The following ADGRB3 variants were observed in gnomAD, a reference collection of about 807,000 sequenced individuals.
The protein encoded by ADGRB3 is adhesion G protein-coupled receptor B3, also known as brain-specific angiogenesis inhibitor 3.
A neutral mutation model predicts 193.4 loss-of-function variants in ADGRB3; 37 were observed. The observed-to-expected ratio is 0.19, with a 90% CI of 0.15 to 0.25. The LOEUF is 0.25. Among genes scored for constraint, ADGRB3 ranks in the 10% least tolerant of loss-of-function variants. The pLI is 1.00. For missense variants in ADGRB3, 1,637 were observed against 1,852.9 expected (o/e 0.88, Z 2.14); for synonymous variants, 690 against 644.2 (o/e 1.07, Z -1.08).
At position 68,940,547 on chromosome 6, in the gene ADGRB3, CTTTTTTT is replaced by C; in HGVS notation, c.1031-3268_1031-3262del. ...CTGCAGGCTAAGGAATGCTTTTGAA[CTTTTTTT>C]TTTTTTTTTTTTTTGCTAAATGTAT... On this transcript the variant is annotated intron_variant, in intron 5 of 31. Transcript: ENST00000370598. Among the ~76,000 whole-genome samples the C allele has an allele frequency of 4.0e-4, 28 of 69,208 alleles. 1 individual carries two copies. The South Asian group carries it at 0.011, about 27-fold the overall frequency. The allele number at this position is 69,208 out of a possible 152,430, so 45.4% of individuals were successfully genotyped here. A position where few individuals can be genotyped will look rare whatever the true frequency, so the allele number is the denominator to read the frequency against.
chr6:68,812,171 A>G (rs1056104311), intron 3 of ADGRB3, among the ~76,000 whole-genome samples: 3 of 152,200 alleles, frequency 2.0e-5, no homozygotes, highest in Non-Finnish European at 1.5e-5. Context: ...ATTACTGCAG[A>G]GGCCTAATAT....
At chr6:69,372,512 T>C (rs1453509415) in intron 30 of ADGRB3, 71 bp downstream of exon 30, 2 of 783,602 alleles carry the variant, frequency 2.6e-6, no homozygotes, top group Non-Finnish European at 3.8e-6. Flanking sequence ...TACTTAAAAA[T>C]TATTACTCTA....
intron 23 of ADGRB3, 26 bp downstream of exon 23, chr6:69,330,598 G>A: frequency 6.6e-7 from 1 of 1,521,746 alleles, no homozygotes; most frequent in South Asian, 1.3e-5. Context: ...AACCTATTTT[G>A]TTTTCTTAGG....
intron 24 of ADGRB3, among the ~76,000 whole-genome samples, chr6:69,337,527 C>G (rs1768879265): frequency 6.6e-6 from 1 of 152,266 alleles, no homozygotes; most frequent in South Asian, 2.1e-4. Context: ...TTGGGATGTA[C>G]ACATCGGCGT....
chr6:69,344,754 C>A (rs1769048611), intron 26 of ADGRB3, among the ~76,000 whole-genome samples: 1 of 151,954 alleles, frequency 6.6e-6, no homozygotes, highest in Non-Finnish European at 1.5e-5. Context: ...TTTAGTTGGT[C>A]TTTGAAGAGG....
At chr6:68,983,118 A>G (rs1217214560) in intron 10 of ADGRB3, among the ~76,000 whole-genome samples, 1 of 152,162 alleles carries the variant, frequency 6.6e-6, no homozygotes. Flanking sequence ...AAATTGTATT[A>G]TAAAAAAGAA....
chr6:68,802,569 T>C (rs1344052406), intron 3 of ADGRB3, among the ~76,000 whole-genome samples: 3 of 152,158 alleles, frequency 2.0e-5, no homozygotes, highest in Non-Finnish European at 4.4e-5. Context: ...AATAGCATGG[T>C]ATAACAAACT....
intron 3 of ADGRB3, among the ~76,000 whole-genome samples, chr6:68,650,627 C>A (rs1436165844): frequency 6.6e-6 from 1 of 152,000 alleles, no homozygotes; most frequent in African/African-American, 2.4e-5. Context: ...TTTCATTTTG[C>A]CTGTTGATCT....
At chr6:69,010,876 C>T (rs1276600614) in intron 11 of ADGRB3, among the ~76,000 whole-genome samples, 2 of 151,666 alleles carry the variant, frequency 1.3e-5, no homozygotes, top group African/African-American at 2.4e-5. Context: ...ACATAAGTGA[C>T]CTAATCCATA....
intron 3 of ADGRB3, among the ~76,000 whole-genome samples, chr6:68,885,079 A>T (rs1260021092): frequency 6.6e-6 from 1 of 152,208 alleles, no homozygotes; most frequent in Non-Finnish European, 1.5e-5. Flanking sequence ...TGAAATTGCC[A>T]TGTTTAATTG....
intron 20 of ADGRB3, among the ~76,000 whole-genome samples, chr6:69,316,576 T>C (rs763021056): frequency 3.2e-4 from 49 of 151,478 alleles, no homozygotes; most frequent in Admixed American, 5.3e-4. Flanking sequence ...AGGAAAGCCT[T>C]TCACAACTGT....
chr6:69,112,563 ATC>A (rs1192404606), intron 17 of ADGRB3, among the ~76,000 whole-genome samples: 1 of 152,102 alleles, frequency 6.6e-6, no homozygotes, highest in African/African-American at 2.4e-5. Flanking sequence ...TTTTATACCT[ATC>A]TATATAGCTA....
chr6:68,899,943 T>C (rs1291567155), intron 3 of ADGRB3, among the ~76,000 whole-genome samples: 2 of 152,036 alleles, frequency 1.3e-5, no homozygotes, highest in Non-Finnish European at 2.9e-5. Context: ...AGTAGCTGAC[T>C]GAGAAAAAGG....
At chr6:68,772,895 ATATATATATATATATATATAT>A (rs1315312012) in intron 3 of ADGRB3, among the ~76,000 whole-genome samples, 1,080 of 33,354 alleles carry the variant, frequency 0.032, 61 homozygotes, top group African/African-American at 0.11. Context: ...AAAAAAAAAA[ATATATATATATATATATATAT>A]ATATATATAT....
At chr6:69,080,581 T>A (rs1262117006) in intron 17 of ADGRB3, among the ~76,000 whole-genome samples, 1 of 151,890 alleles carries the variant, frequency 6.6e-6, no homozygotes, top group African/African-American at 2.4e-5. Flanking sequence ...CATGGTCTCA[T>A]TGTTTGGAGA....
At chr6:69,307,635 T>C (rs1413292956) in intron 20 of ADGRB3, among the ~76,000 whole-genome samples, 3 of 151,632 alleles carry the variant, frequency 2.0e-5, no homozygotes, top group African/African-American at 4.9e-5. Flanking sequence ...TTCTTCTTTT[T>C]ATTTTTTCAG....
chr6:69,043,332 G>GAA (rs376899800), intron 13 of ADGRB3, among the ~76,000 whole-genome samples: 52,060 of 132,312 alleles, frequency 0.39, 11,457 homozygotes, highest in Middle Eastern at 0.44. Context: ...AAGAAAGAAA[G>GAA]AGAAAGAAAA....
chr6:68,978,639 C>A (rs1046661281), intron 10 of ADGRB3, among the ~76,000 whole-genome samples: 1 of 151,502 alleles, frequency 6.6e-6, no homozygotes, highest in Non-Finnish European at 1.5e-5. Context: ...CTTACTCATT[C>A]TGTTGCTTTG....
At chr6:68,944,798 G>A (rs543661636) in intron 6 of ADGRB3, among the ~76,000 whole-genome samples, 50 of 152,164 alleles carry the variant, frequency 3.3e-4, no homozygotes, top group African/African-American at 1.1e-3. Flanking sequence ...AATCTCTCAG[G>A]GTTAGCAAAG....
Sources: gnomAD v4.1 joint callset for allele counts (sites outside exome capture counted in the v4.1 genomes callset) on GRCh38, gnomAD v4.1.1 for gene constraint, MANE v1.5 for transcripts, NCBI Gene and HGNC (gene_info 2026-07-23, HGNC 2026-07-21) for gene names.